SNTB2: variants seen among roughly 807,000 people sequenced by gnomAD.
SNTB2 encodes the protein beta-2-syntrophin.
Under a neutral mutation model 46.2 loss-of-function variants are expected in SNTB2, and 34 were observed. The observed-to-expected ratio is 0.74, with a 90% CI of 0.56 to 0.98. SNTB2 has a LOEUF of 0.98. Among genes scored for constraint, SNTB2 ranks in the 50% least tolerant of loss-of-function variants. The pLI, the probability that SNTB2 is intolerant of heterozygous loss-of-function variation, is 0.00. For missense variants in SNTB2, 603 were observed against 731.4 expected (o/e 0.82, Z 2.02); for synonymous variants, 290 against 312.6 (o/e 0.93, Z 0.76).
intron 1 of SNTB2, among the ~76,000 whole-genome samples, chr16:69,240,381 C>T (rs1202972145): frequency 6.6e-6 from 1 of 152,188 alleles, no homozygotes; most frequent in Non-Finnish European, 1.5e-5. Context: ...AGCTGAAAGA[C>T]ACCTGCAAGT....
chr16:69,205,758 C>T (rs554781335), intron 1 of SNTB2, among the ~76,000 whole-genome samples: 1 of 152,152 alleles, frequency 6.6e-6, no homozygotes, highest in South Asian at 2.1e-4. Flanking sequence ...ACAAAGAAGT[C>T]TAAGGTTCTG....
At chr16:69,241,797 T>A (rs1182828166) in intron 1 of SNTB2, 1 of 151,154 alleles carries the variant, frequency 6.6e-6, no homozygotes, top group African/African-American at 2.4e-5. Context: ...GGTATGGTGG[T>A]GTGCACCTGT....
intron 1 of SNTB2, among the ~76,000 whole-genome samples, chr16:69,225,556 T>G (rs555099740): frequency 6.6e-6 from 1 of 152,250 alleles, no homozygotes; most frequent in Non-Finnish European, 1.5e-5. Context: ...TTACATCCAA[T>G]TATGTGTAAC....
chr16:69,264,384 G>T (rs77257450), intron 3 of SNTB2, among the ~76,000 whole-genome samples: 2 of 152,186 alleles, frequency 1.3e-5, no homozygotes, highest in Non-Finnish European at 2.9e-5. Context: ...GACATATACT[G>T]CATATTTTCC....
chr16:69,209,697 A>G (rs1478058145), intron 1 of SNTB2, among the ~76,000 whole-genome samples: 1 of 152,204 alleles, frequency 6.6e-6, no homozygotes, highest in Non-Finnish European at 1.5e-5. Flanking sequence ...ACTTTAATGC[A>G]CATGATTTTG....
rs539268461 is a variant in SNTB2 at position 69,245,557 on chromosome 16, G to A, written c.581-45G>A. ...AATACTTTAGTTATCATTTATTATA[G>A]GAAGCAAAATTACTAACCTTCTTCT... On this transcript the variant is annotated intron_variant, in intron 1 of 6. Coordinates refer to ENST00000336278, the MANE Select transcript of SNTB2 (RefSeq NM_006750.4). The A allele has an allele frequency of 4.5e-6, 7 of 1,567,588 alleles. No individual in the cohort carries two copies. In the East Asian group the frequency reaches 1.6e-4, roughly 35 times the overall value.
intron 1 of SNTB2, among the ~76,000 whole-genome samples, chr16:69,208,108 C>CA (rs887460974): frequency 0.12 from 7,512 of 64,280 alleles, 572 homozygotes; most frequent in African/African-American, 0.28. Context: ...GACTTCATCT[C>CA]AAAAAAAAAA....
At position 69,304,324 on chromosome 16, in the gene SNTB2, A is replaced by G; in HGVS notation, c.*3400A>G. 1 of 152,652 alleles carries G rather than the reference A, an allele frequency of 6.6e-6. No individual in the cohort carries two copies. Among genetic ancestry groups the G allele is most frequent in the East Asian group, 1.9e-4 (1 of 5,198 alleles). 9.5% of individuals were successfully genotyped at this position (152,652 alleles called of 1,614,324 possible). A position where few individuals can be genotyped will look rare whatever the true frequency, so the allele number is the denominator to read the frequency against. On this transcript the variant is annotated 3_prime_UTR_variant, in exon 7 of 7. Coordinates refer to ENST00000336278, the MANE Select transcript of SNTB2 (RefSeq NM_006750.4). ...CCCTAGTAGATAAGAGTTTCAGGTT[A>G]AATACTGGAACATATATAGGCAGTC...
intron 1 of SNTB2, among the ~76,000 whole-genome samples, chr16:69,210,032 T>A (rs975346449): frequency 1.8e-4 from 27 of 149,750 alleles, no homozygotes; most frequent in African/African-American, 6.3e-4. Flanking sequence ...TTTTTTTTTT[T>A]TTTTTTTTTT....
intron 1 of SNTB2, among the ~76,000 whole-genome samples, chr16:69,189,462 A>G (rs963800059): frequency 2.0e-5 from 3 of 152,180 alleles, no homozygotes; most frequent in Non-Finnish European, 4.4e-5. Flanking sequence ...AAAAAACACA[A>G]AAAACCTTTT....
At chr16:69,265,891 C>G (rs1964879590) in intron 3 of SNTB2, among the ~76,000 whole-genome samples, 1 of 151,170 alleles carries the variant, frequency 6.6e-6, no homozygotes, top group South Asian at 2.1e-4. Context: ...CAGGTTTGTG[C>G]ATGTGTAGGT....
At chr16:69,199,613 G>C (rs1338310248) in intron 1 of SNTB2, among the ~76,000 whole-genome samples, 2 of 105,316 alleles carry the variant, frequency 1.9e-5, no homozygotes, top group African/African-American at 8.3e-5. Context: ...AAAAAAAAAG[G>C]CGATCTTTTT....
At chr16:69,278,202 A>G (rs1315389877) in intron 4 of SNTB2, among the ~76,000 whole-genome samples, 1 of 152,156 alleles carries the variant, frequency 6.6e-6, no homozygotes, top group Non-Finnish European at 1.5e-5. Flanking sequence ...CTATAGTCCT[A>G]GCTACTCAGA....
chr16:69,277,441 T>C (rs886133887), intron 4 of SNTB2, among the ~76,000 whole-genome samples: 7 of 152,218 alleles, frequency 4.6e-5, no homozygotes, highest in Admixed American at 2.0e-4. Context: ...TGCAAAATTA[T>C]GCATGCATAA....
chr16:69,222,592 C>CAA (rs201176169), intron 1 of SNTB2, among the ~76,000 whole-genome samples: 6 of 55,202 alleles, frequency 1.1e-4, no homozygotes, highest in East Asian at 5.3e-4. Flanking sequence ...GACTTCATCT[C>CAA]AAAAAAAAAA....
At chr16:69,209,266 A>G (rs751723418) in intron 1 of SNTB2, among the ~76,000 whole-genome samples, 45 of 152,054 alleles carry the variant, frequency 3.0e-4, no homozygotes, top group Non-Finnish European at 4.6e-4. Flanking sequence ...CAAATTTTTG[A>G]ATGTTTTATA....
At chr16:69,196,015 A>G (rs538686780) in intron 1 of SNTB2, among the ~76,000 whole-genome samples, 3 of 152,156 alleles carry the variant, frequency 2.0e-5, no homozygotes, top group African/African-American at 7.2e-5. Context: ...TCCAGGTGGA[A>G]TCACTTCAGC....
At chr16:69,199,995 A>G (rs927320414) in intron 1 of SNTB2, among the ~76,000 whole-genome samples, 1 of 151,898 alleles carries the variant, frequency 6.6e-6, no homozygotes, top group Non-Finnish European at 1.5e-5. Context: ...GCTCACCGCA[A>G]CCTCCATCTC....
chr16:69,210,019 ATTTTTTT>A (rs137973730), intron 1 of SNTB2, among the ~76,000 whole-genome samples: 15 of 122,176 alleles, frequency 1.2e-4, no homozygotes, highest in African/African-American at 2.8e-4. Context: ...TTGTTATTTA[ATTTTTTT>A]TTTTTTTTTT....
Sources: gnomAD v4.1 joint callset for allele counts (sites outside exome capture counted in the v4.1 genomes callset) on GRCh38, gnomAD v4.1.1 for gene constraint, MANE v1.5 for transcripts, NCBI Gene and HGNC (gene_info 2026-07-23, HGNC 2026-07-21) for gene names.